Variants in MBP observed in about 807,000 individuals in gnomAD.
MBP encodes the protein myelin basic protein.
MBP carries 16 observed loss-of-function variants against 35.8 expected under a neutral mutation model. That is an observed-to-expected ratio of 0.45 (90% confidence interval 0.30 to 0.68). MBP has a LOEUF of 0.68. MBP is among the 30% of genes least tolerant of loss of function. The pLI, the probability that MBP is intolerant of heterozygous loss-of-function variation, is 0.08. For missense variants in MBP, 380 were observed against 404.7 expected, an observed-to-expected ratio of 0.94 and a Z score of 0.52; for synonymous variants, 143 against 159.6, an observed-to-expected ratio of 0.90 and a Z score of 0.78.
At chr18:77,012,734 G>A in intron 4 of MBP, 1 of 963,918 alleles carries the variant, frequency 1.0e-6, no homozygotes, top group Non-Finnish European at 1.2e-6. Context: ...GACGTGGTGG[G>A]GGCAACCAAA....
Position 76,985,461 on chromosome 18 carries a change from A to G in MBP, c.751-567T>C. 3.4e-6 allele frequency: 4 copies of G among 1,189,078 alleles called. No individual in the cohort carries two copies. In the South Asian group the frequency reaches 6.3e-5, roughly 19 times the overall value. 73.7% of individuals were successfully genotyped at this position (1,189,078 alleles called of 1,614,324 possible). On this transcript the variant is annotated intron_variant, in intron 7 of 8. Coordinates refer to ENST00000355994, the MANE Select transcript of MBP (RefSeq NM_001025101.2). ...GAGATCAAGAGTCCTCGGCCTTAGT[A>G]AAATGTCGAGCCTCGTATCTTTTAT...
chr18:77,004,804 T>A (rs1032544908), intron 4 of MBP: 7 of 152,336 alleles, frequency 4.6e-5, no homozygotes, highest in African/African-American at 1.2e-4. Flanking sequence ...ACAGGAAGGA[T>A]CAGCGTTTCT....
chr18:76,980,578 T>G, intron 8 of MBP, 107 bp from the exon 9 acceptor site: 3 of 811,538 alleles, frequency 3.7e-6, no homozygotes, highest in Non-Finnish European at 6.4e-6. Context: ...TGGGTGTCTC[T>G]CTCATCTGCT....
chr18:77,026,668 C>T (rs557280048), intron 3 of MBP, among the ~76,000 whole-genome samples: 1 of 151,968 alleles, frequency 6.6e-6, no homozygotes, highest in Non-Finnish European at 1.5e-5. Flanking sequence ...AAGTTTGAGA[C>T]AACCCTGAGC....
intron 4 of MBP, among the ~76,000 whole-genome samples, chr18:77,007,566 C>T (rs891908901): frequency 6.6e-6 from 1 of 152,220 alleles, no homozygotes; most frequent in African/African-American, 2.4e-5. Context: ...ACAGCCTGCC[C>T]AGGCTTTAGT....
rs1344062317 is a variant in MBP, at chr18:76,985,317, T to C, written c.751-423A>G. 8 of 1,295,308 alleles carry C rather than the reference T, an allele frequency of 6.2e-6. No homozygotes were observed. The East Asian group carries it at 3.8e-4, about 62-fold the overall frequency. The allele number at this position is 1,295,308 out of a possible 1,614,324, so 80.2% of individuals were successfully genotyped here. A position where few individuals can be genotyped will look rare whatever the true frequency, so the allele number is the denominator to read the frequency against. ...TCGGACCCTGGGGGGCTGTGCGCTG[T>C]GTAGGTGCCGGTCCCCGGAGGCCCC... On this transcript the variant is annotated intron_variant, in intron 7 of 8. Coordinates refer to ENST00000355994, the MANE Select transcript of MBP (RefSeq NM_001025101.2).
rs376766910 is a variant in MBP at position 77,066,269 on chromosome 18, G to A, written c.139+29C>T. The stretch of plus-strand genomic sequence containing the variant: ...CAGGTGCACGCTGTCACCATGTGGC[G>A]CCATGTTGCCGATATCTGCGTCACC... On this transcript the variant is annotated intron_variant, in intron 3 of 8. Coordinates refer to ENST00000355994, the MANE Select transcript of MBP (RefSeq NM_001025101.2). The A allele has an allele frequency of 4.4e-5, 68 of 1,560,804 alleles. No individual in the cohort carries two copies. The South Asian group carries it at 4.5e-4, about 10-fold the overall frequency.
At chr18:77,017,985 A>G (rs886928854) in intron 3 of MBP, among the ~76,000 whole-genome samples, 14 of 152,236 alleles carry the variant, frequency 9.2e-5, no homozygotes, top group African/African-American at 3.4e-4. Context: ...TTTTGCTTTC[A>G]AGTTAGAGTG....
At chr18:77,007,014 C>T (rs34965445) in intron 4 of MBP, among the ~76,000 whole-genome samples, 42,598 of 152,120 alleles carry the variant, frequency 0.28, 6,095 homozygotes, top group Non-Finnish European at 0.31. Flanking sequence ...TTCTCAGCCG[C>T]AGGGCAGGGA....
intron 3 of MBP, chr18:77,065,728 CCATA>C (rs1399925821): frequency 1.3e-5 from 2 of 152,982 alleles, no homozygotes; most frequent in African/African-American, 4.8e-5. Flanking sequence ...CAGAGAAACA[CCATA>C]CAGTGAGCCT....
chr18:77,082,498 T>C (rs1268368309), intron 2 of MBP, among the ~76,000 whole-genome samples: 1 of 152,184 alleles, frequency 6.6e-6, no homozygotes, highest in Admixed American at 6.5e-5. Flanking sequence ...GGTATGGAGT[T>C]TCTTTCAGGG....
At chr18:77,015,698 A>C in intron 4 of MBP, 2 of 985,472 alleles carry the variant, frequency 2.0e-6, no homozygotes, top group Non-Finnish European at 2.4e-6. Context: ...GGTAAAACTG[A>C]CATTTGTGTT....
chr18:77,131,031 A>C lies in MBP; in HGVS notation c.-26+1549T>G, dbSNP rs2897506. Among the ~76,000 whole-genome samples the C allele has an allele frequency of 2.7e-5, 3 of 113,174 alleles. No homozygotes were observed. The highest frequency in any genetic ancestry group is 6.2e-5 in the African/African-American group (2 of 32,498). The allele number at this position is 113,174 out of a possible 152,430, so 74.2% of individuals were successfully genotyped here. On this transcript the variant is annotated intron_variant, in intron 1 of 8. Transcript: ENST00000355994. This position sits in a 1 kb window ranked among gnomAD's most constrained non-coding sequence, Gnocchi z 5.5. ...CAGATTTCTGTTTTTCCCACAAAAAAAAAAAAAAAACAAAACCTCAAAAAA... is the reference window on the plus strand; with the variant it reads ...CAGATTTCTGTTTTTCCCACAAAAACAAAAAAAAAACAAAACCTCAAAAAA...
In MBP at chr18:77,070,500, C is replaced by T. The variant is rs563700094; in HGVS notation, c.52-4115G>A. On this transcript the variant is annotated intron_variant, in intron 2 of 8. Coordinates refer to ENST00000355994, the MANE Select transcript of MBP (RefSeq NM_001025101.2). Reference sequence around the variant, plus strand: ...GCACAAACAGCTCGGGACATTACCACGTATGGTGAAAGATGACAGAGAAAA... The same window carrying T: ...GCACAAACAGCTCGGGACATTACCATGTATGGTGAAAGATGACAGAGAAAA... 3.3e-5 allele frequency among the ~76,000 whole-genome samples: 5 copies of T among 152,206 alleles called. No individual in the cohort carries two copies. The South Asian group carries it at 6.2e-4, about 19-fold the overall frequency.
intron 2 of MBP, among the ~76,000 whole-genome samples, chr18:77,073,513 G>C (rs766253322): frequency 1.3e-5 from 2 of 152,244 alleles, no homozygotes; most frequent in Non-Finnish European, 2.9e-5. Flanking sequence ...CATGCAGTGG[G>C]TTGAGTGGCA....
At chr18:77,122,375 A>G (rs940764760) in intron 1 of MBP, among the ~76,000 whole-genome samples, 1 of 152,164 alleles carries the variant, frequency 6.6e-6, no homozygotes, top group Non-Finnish European at 1.5e-5. Flanking sequence ...GACTACGCCA[A>G]TGATGAGCTG....
chr18:77,112,475 A>G (rs557621714), intron 1 of MBP: 47 of 152,292 alleles, frequency 3.1e-4, no homozygotes, highest in African/African-American at 1.1e-3. Context: ...GAGATGCAGA[A>G]GTTTTTTCCA....
In MBP at chr18:76,988,050, TTCA is replaced by T. The variant is rs1969657635; in HGVS notation, c.750+442_750+444del. ...CAACTCTATTTAGCCTCTTTTTCTG[TTCA>T]TCAGCAGAATCATTTTCCCAGTGTC... On this transcript the variant is annotated intron_variant, in intron 7 of 8. Transcript: ENST00000355994. This position sits in a 1 kb window ranked among gnomAD's most constrained non-coding sequence, Gnocchi z 5.2. 7.0e-7 allele frequency: 1 copy of T among 1,421,778 alleles called. No homozygotes were observed. Among genetic ancestry groups the T allele is most frequent in the South Asian group, 1.5e-5 (1 of 68,328 alleles). The allele number at this position is 1,421,778 out of a possible 1,614,324, so 88.1% of individuals were successfully genotyped here.
In MBP at chr18:77,028,719, C is replaced by G. The variant is rs2040491410; in HGVS notation, c.140-11451G>C. 2.1e-5 allele frequency among the ~76,000 whole-genome samples: 2 copies of G among 97,104 alleles called. 1 individual carries two copies. The highest frequency in any genetic ancestry group is 5.5e-5 in the Non-Finnish European group (2 of 36,298). The allele number at this position is 97,104 out of a possible 152,430, so 63.7% of individuals were successfully genotyped here. ...GGCCGGGCAGAGGCGCCCCTCACCT[C>G]CCGGACGGGGCGGCTGGCCAGGCGG... On this transcript the variant is annotated intron_variant, in intron 3 of 8. Coordinates refer to ENST00000355994, the MANE Select transcript of MBP (RefSeq NM_001025101.2).
Sources: gnomAD v4.1 joint callset for allele counts (sites outside exome capture counted in the v4.1 genomes callset) on GRCh38, gnomAD v4.1.1 for gene constraint, Gnocchi (gnomAD v3.1) non-coding constraint, MANE v1.5 for transcripts, NCBI Gene and HGNC (gene_info 2026-07-23, HGNC 2026-07-21) for gene names.